The following TBC1D1 variants were observed in gnomAD, a reference collection of about 807,000 sequenced individuals.
TBC1D1 encodes TBC1 (tre-2/USP6, BUB2, cdc16) domain family, member 1.
In TBC1D1, 89 loss-of-function variants were observed where a neutral mutation model predicts 125.6. That is an observed-to-expected ratio of 0.71 (90% CI 0.60 to 0.85). The LOEUF is 0.85. Among genes scored for constraint, TBC1D1 ranks in the 40% least tolerant of loss-of-function variants. The probability of loss-of-function intolerance (pLI) is 0.00; values close to 1 mark genes in which losing one functional copy is unlikely to be tolerated. For synonymous variants in TBC1D1, 565 were observed against 564.1 expected, an observed-to-expected ratio of 1.00 and a Z score of -0.02; for missense variants, 1,377 against 1,469.2, an observed-to-expected ratio of 0.94 and a Z score of 1.03.
intron 2 of TBC1D1, among the ~76,000 whole-genome samples, chr4:37,972,979 G>A (rs568449598): frequency 6.6e-6 from 1 of 152,146 alleles, no homozygotes; most frequent in Non-Finnish European, 1.5e-5. Flanking sequence ...TCCTTTTGAT[G>A]GAATTCCAGA....
Position 38,020,464 on chromosome 4 carries a change from G to A in TBC1D1, c.973-127G>A, listed in dbSNP as rs537727232. 3.9e-5 allele frequency: 28 copies of A among 715,698 alleles called. No homozygotes were observed. In the South Asian group the frequency reaches 4.5e-4, roughly 11 times the overall value. The allele number at this position is 715,698 out of a possible 1,614,324, so 44.3% of individuals were successfully genotyped here. A position where few individuals can be genotyped will look rare whatever the true frequency, so the allele number is the denominator to read the frequency against. ...TTGTACTCCAGCCTGGGCAACAAGA[G>A]TAAAATTCCATCTCAAAAAGATAAT... On this transcript the variant is annotated intron_variant, in intron 4 of 19. Transcript: ENST00000261439.
At chr4:38,013,000 G>A (rs188090175) in intron 2 of TBC1D1, among the ~76,000 whole-genome samples, 160 of 152,010 alleles carry the variant, frequency 1.1e-3, no homozygotes, top group Admixed American at 3.3e-3. Context: ...TCACTATGTT[G>A]GCCAGGCTGG....
At chr4:37,943,065 T>A (rs2152307850) in intron 2 of TBC1D1, among the ~76,000 whole-genome samples, 1 of 152,346 alleles carries the variant, frequency 6.6e-6, no homozygotes, top group South Asian at 2.1e-4. Flanking sequence ...TGCTTGTCTG[T>A]AAAGGATTTT....
chr4:37,920,333 T>C (rs1202823812), intron 2 of TBC1D1, among the ~76,000 whole-genome samples: 1 of 152,098 alleles, frequency 6.6e-6, no homozygotes, highest in Non-Finnish European at 1.5e-5. Flanking sequence ...GGCCACTAGG[T>C]GAGCTCTCTT....
chr4:37,949,879 C>G lies in TBC1D1; in HGVS notation c.417+47367C>G, dbSNP rs77381190. Among the ~76,000 whole-genome samples the G allele has an allele frequency of 7.9e-5, 12 of 152,282 alleles. No homozygotes were observed. In the East Asian group the frequency reaches 2.3e-3, roughly 29 times the overall value. On this transcript the variant is annotated intron_variant, in intron 2 of 19. Coordinates refer to ENST00000261439, the MANE Select transcript of TBC1D1 (RefSeq NM_015173.4). ...CATTGTGTGGGTTGGATTTGACCTG[C>G]TGACTGTAGTTTGCTGACGCCTATT...
At chr4:37,957,185 G>A (rs1306736820) in intron 2 of TBC1D1, among the ~76,000 whole-genome samples, 1 of 152,208 alleles carries the variant, frequency 6.6e-6, no homozygotes, top group Non-Finnish European at 1.5e-5. Flanking sequence ...GTTACACAAT[G>A]TGGCAGACGT....
chr4:38,129,137 TACAC>T (rs1765156016), intron 18 of TBC1D1, among the ~76,000 whole-genome samples: 1 of 152,162 alleles, frequency 6.6e-6, no homozygotes, highest in African/African-American at 2.4e-5. Context: ...GGGATTCACA[TACAC>T]ACAAACAGCT....
At chr4:38,119,690 C>T (rs1185355973) in intron 17 of TBC1D1, among the ~76,000 whole-genome samples, 1 of 152,150 alleles carries the variant, frequency 6.6e-6, no homozygotes, top group Admixed American at 6.5e-5. Context: ...ATCTACCTTC[C>T]TTACATTTTC....
chr4:38,060,082 T>C (rs1752488865), intron 12 of TBC1D1, among the ~76,000 whole-genome samples: 1 of 152,234 alleles, frequency 6.6e-6, no homozygotes, highest in Non-Finnish European at 1.5e-5. Context: ...TGCATAGTAG[T>C]CCATGGTGTA....
intron 2 of TBC1D1, among the ~76,000 whole-genome samples, chr4:37,986,096 C>T (rs1560573110): frequency 6.6e-6 from 1 of 152,218 alleles, no homozygotes; most frequent in Non-Finnish European, 1.5e-5. Context: ...CATACCAGCA[C>T]TGCCTATGGC....
At chr4:37,990,583 G>A (rs754121742) in intron 2 of TBC1D1, among the ~76,000 whole-genome samples, 33 of 152,212 alleles carry the variant, frequency 2.2e-4, no homozygotes, top group Non-Finnish European at 2.9e-5. Flanking sequence ...GCCTTCTTAC[G>A]GTTCCAGAAA....
intron 2 of TBC1D1, among the ~76,000 whole-genome samples, chr4:37,972,995 A>G (rs901908587): frequency 6.6e-6 from 1 of 152,190 alleles, no homozygotes; most frequent in African/African-American, 2.4e-5. Flanking sequence ...CCAGATTATA[A>G]CAGAAAATGT....
intron 12 of TBC1D1, among the ~76,000 whole-genome samples, chr4:38,081,553 C>T (rs1756559447): frequency 6.6e-6 from 1 of 152,168 alleles, no homozygotes; most frequent in South Asian, 2.1e-4. Flanking sequence ...TCTTTTTTAT[C>T]CCCAACCCCA....
At chr4:38,078,710 C>T (rs894094361) in intron 12 of TBC1D1, among the ~76,000 whole-genome samples, 1 of 152,216 alleles carries the variant, frequency 6.6e-6, no homozygotes, top group Non-Finnish European at 1.5e-5. Context: ...TACTGCCACC[C>T]TGATCTTGGA....
chr4:37,961,772 A>G (rs980626522), intron 2 of TBC1D1, among the ~76,000 whole-genome samples: 13 of 152,220 alleles, frequency 8.5e-5, no homozygotes, highest in African/African-American at 3.1e-4. Flanking sequence ...AAAGCCAACT[A>G]GATGTGGCTA....
At position 38,137,835 on chromosome 4, in the gene TBC1D1, T is replaced by G. The variant is rs566013422; in HGVS notation, c.*500T>G. On this transcript the variant is annotated 3_prime_UTR_variant, in exon 20 of 20. Coordinates refer to ENST00000261439, the MANE Select transcript of TBC1D1 (RefSeq NM_015173.4). ...TTGTTATGGAAACCTAAGATGATCA[T>G]TGGGAAGATCAGTGATCTTGGGTCA... 1.3e-5 allele frequency: 2 copies of G among 153,140 alleles called. No individual in the cohort carries two copies. Among genetic ancestry groups the G allele is most frequent in the South Asian group, 4.1e-4 (2 of 4,832 alleles). The allele number at this position is 153,140 out of a possible 1,614,324, so 9.5% of individuals were successfully genotyped here.
chr4:38,049,388 C>CCCTTGG (rs769757809), intron 10 of TBC1D1, among the ~76,000 whole-genome samples: 174 of 152,310 alleles, frequency 1.1e-3, no homozygotes, highest in Admixed American at 3.7e-3. Flanking sequence ...TTCACTCCTG[C>CCCTTGG]ACTTGGCCAG....
chr4:38,117,170 G>A (rs891773264), intron 16 of TBC1D1, among the ~76,000 whole-genome samples: 3 of 152,202 alleles, frequency 2.0e-5, no homozygotes, highest in Admixed American at 2.0e-4. Context: ...CACAGCTGGT[G>A]CTTATGGGAT....
chr4:38,069,178 T>C (rs529501764), intron 12 of TBC1D1, among the ~76,000 whole-genome samples: 2 of 152,294 alleles, frequency 1.3e-5, no homozygotes, highest in African/African-American at 4.8e-5. Flanking sequence ...GGTCATACAG[T>C]CAGTGGTAGA....
Sources: allele counts gnomAD v4.1 joint callset (sites outside exome capture counted in the v4.1 genomes callset), GRCh38; gene constraint gnomAD v4.1.1; transcripts MANE v1.5; gene names NCBI Gene and HGNC (gene_info 2026-07-23, HGNC 2026-07-21).